Variants in ANGPTL6 observed in about 807,000 individuals in gnomAD.
ANGPTL6 encodes angiopoietin-related protein 6.
In ANGPTL6, 45 loss-of-function variants were observed where a neutral mutation model predicts 47.4. The ratio of observed to expected loss-of-function variants is 0.95; its 90% CI spans 0.75 to 1.22. The LOEUF is 1.22. Among genes scored for constraint, ANGPTL6 ranks in the 50% most tolerant of loss-of-function variants. ANGPTL6 has a pLI of 0.00. For synonymous variants in ANGPTL6, 290 were observed against 295.9 expected (o/e 0.98, Z 0.20); for missense variants, 698 against 669.4 (o/e 1.04, Z -0.47).
chr19:10,104,034 A>G (rs891656379), upstream of ANGPTL6, among the ~76,000 whole-genome samples: 12 of 143,348 alleles, frequency 8.4e-5, no homozygotes, highest in East Asian at 2.3e-3. Flanking sequence ...CGGAGGTTGC[A>G]GTGAGCCACT....
At chr19:10,095,072 C>G in intron 2 of ANGPTL6, 134 bp from the exon 3 acceptor site, 2 of 958,440 alleles carry the variant, frequency 2.1e-6, no homozygotes, top group South Asian at 1.8e-5. Context: ...GGTGTCCCAG[C>G]CCTAGGAATG....
upstream of ANGPTL6, among the ~76,000 whole-genome samples, chr19:10,103,635 T>TA (rs1477408948): frequency 2.2e-3 from 314 of 145,630 alleles, 2 homozygotes; most frequent in African/African-American, 6.3e-3. Context: ...AATAAATAAA[T>TA]AATAATAAAG....
At chr19:10,095,838 G>C (rs2088514804) in intron 2 of ANGPTL6, 144 bp downstream of exon 2, 2 of 453,822 alleles carry the variant, frequency 4.4e-6, no homozygotes, top group African/African-American at 4.0e-5. Context: ...GTCACTTTTT[G>C]ACCCAAATAA....
chr19:10,103,687 C>A (rs1157467023), upstream of ANGPTL6, among the ~76,000 whole-genome samples: 1 of 150,834 alleles, frequency 6.6e-6, no homozygotes, highest in Non-Finnish European at 1.5e-5. Context: ...ATATAAAAGA[C>A]ACAGCTGTAA....
upstream of ANGPTL6, among the ~76,000 whole-genome samples, chr19:10,103,048 T>C (rs2145187860): frequency 6.6e-6 from 1 of 151,968 alleles, no homozygotes; most frequent in East Asian, 1.9e-4. Context: ...ACCTTTTACG[T>C]ATTTGATCCT....
At chr19:10,095,876 G>A in intron 2 of ANGPTL6, 106 bp downstream of exon 2, 1 of 691,960 alleles carries the variant, frequency 1.4e-6, no homozygotes, top group Admixed American at 4.3e-5. Flanking sequence ...GTAGGAATCC[G>A]GTTTTCAGGG....
At chr19:10,096,641 G>T (rs1033913810) in intron 1 of ANGPTL6, 68 bp from the exon 2 acceptor site, 24 of 1,205,280 alleles carry the variant, frequency 2.0e-5, no homozygotes, top group South Asian at 3.3e-5. Flanking sequence ...CCGCTTCCAC[G>T]CGGGGATGCG....
In ANGPTL6 at chr19:10,096,498, C is replaced by G; in HGVS notation, c.66G>C (p.Ala22=). Reference sequence around the variant, plus strand: ...AGGTGTAGGTGCAGCGCGGGGCGCCCGCCCGCGCCCACGACGCGCCCAGCA... The same window carrying G: ...AGGTGTAGGTGCAGCGCGGGGCGCCGGCCCGCGCCCACGACGCGCCCAGCA... ...LLLLGASWAR[A]GAPRCTYTFV... Residue 22 remains alanine, a synonymous_variant, in exon 2 of 6, where the codon GCG becomes GCC. Transcript: ENST00000253109. The G allele has an allele frequency of 6.6e-7, 1 of 1,512,824 alleles. No individual in the cohort carries two copies. Among genetic ancestry groups the G allele is most frequent in the Non-Finnish European group, 8.8e-7 (1 of 1,137,488 alleles). 93.7% of individuals were successfully genotyped at this position (1,512,824 alleles called of 1,614,324 possible).
At chr19:10,100,184 G>A (rs562856284) in intron 1 of ANGPTL6, among the ~76,000 whole-genome samples, 1 of 151,892 alleles carries the variant, frequency 6.6e-6, no homozygotes, top group East Asian at 2.0e-4. Context: ...GGCAGAGGTT[G>A]CAGTGAGCTG....
upstream of ANGPTL6, among the ~76,000 whole-genome samples, chr19:10,104,081 CAAA>C (rs33948028): frequency 1.3e-5 from 1 of 74,176 alleles, no homozygotes; most frequent in Non-Finnish European, 2.6e-5. Context: ...GACTCTGTCT[CAAA>C]AAAAAAAAAA....
intron 3 of ANGPTL6, 148 bp from the exon 4 acceptor site, chr19:10,094,028 C>T (rs1294714803): frequency 1.2e-6 from 1 of 807,728 alleles, no homozygotes; most frequent in Non-Finnish European, 1.9e-6. Context: ...TCTCCCATTT[C>T]CTCACCAGAA....
At chr19:10,095,901 G>A in intron 2 of ANGPTL6, 81 bp downstream of exon 2, 1 of 894,494 alleles carries the variant, frequency 1.1e-6, no homozygotes, top group Non-Finnish European at 1.5e-6. Flanking sequence ...GCGGATTTCA[G>A]AACTGTGGAT....
chr19:10,092,868 C>G, intron 5 of ANGPTL6, 89 bp from the exon 6 acceptor site: 2 of 1,110,268 alleles, frequency 1.8e-6, no homozygotes, highest in South Asian at 1.9e-5. Context: ...CAGGCATCCC[C>G]TGGCCCCTCC....
At chr19:10,106,187 G>GT (rs1314170737), upstream of ANGPTL6, 43 of 853,010 alleles carry the variant, frequency 5.0e-5, no homozygotes, top group Non-Finnish European at 6.7e-5. Flanking sequence ...CCGGAGCCGC[G>GT]TAGCCCCGCC....
chr19:10,093,356 G>A lies in ANGPTL6; in HGVS notation c.1215C>T (p.Ser405=), dbSNP rs139281549. 13 of 1,612,490 alleles carry A rather than the reference G, an allele frequency of 8.1e-6. No individual in the cohort carries two copies. The highest frequency in any genetic ancestry group is 1.0e-5 in the Non-Finnish European group (12 of 1,178,828). ...PFSTVDRDRD[S]YSGNCALYQR... is the part of the protein sequence containing the mutation. ...AATAGGAGTTCTCCTTACCAGAATA[G>A]GAGTCTCGGTCCCTATCCACGGTGC... is the stretch of plus-strand genomic sequence containing the variant. The change falls in exon 5 of 6, where the codon TCC becomes TCT. Residue 405 remains serine (S), a synonymous_variant. Coordinates refer to ENST00000253109, the MANE Select transcript of ANGPTL6 (RefSeq NM_031917.3).
In ANGPTL6 at chr19:10,093,356, G is replaced by T; in HGVS notation, c.1215C>A (p.Ser405=). ...AATAGGAGTTCTCCTTACCAGAATA[G>T]GAGTCTCGGTCCCTATCCACGGTGC... ...PFSTVDRDRD[S]YSGNCALYQR... is the part of the protein sequence containing the mutation. Residue 405 remains serine, a synonymous_variant, in exon 5 of 6, where the codon TCC becomes TCA. Transcript: ENST00000253109. 2 of 1,612,608 alleles carry T rather than the reference G, an allele frequency of 1.2e-6. No individual in the cohort carries two copies. Among genetic ancestry groups the T allele is most frequent in the South Asian group, 1.1e-5 (1 of 91,052 alleles).
chr19:10,092,356 T>C lies in ANGPTL6; in HGVS notation c.*233A>G. On this transcript the variant is annotated 3_prime_UTR_variant, in exon 6 of 6. Transcript: ENST00000253109. ...CACGGTCTGTGGCTACTTTGTGTTA[T>C]TATAAGATATGAGCTCAAACCGAGA... The C allele has an allele frequency of 6.5e-7, 1 of 1,544,366 alleles. No homozygotes were observed. The highest frequency in any genetic ancestry group is 8.7e-7 in the Non-Finnish European group (1 of 1,146,410).
At chr19:10,098,310 G>C (rs1468889100) in intron 1 of ANGPTL6, among the ~76,000 whole-genome samples, 5 of 151,996 alleles carry the variant, frequency 3.3e-5, no homozygotes, top group Admixed American at 6.6e-5. Context: ...TATGATCGCA[G>C]CATTGCACTC....
chr19:10,103,627 T>A (rs927961825), upstream of ANGPTL6, among the ~76,000 whole-genome samples: 3 of 133,660 alleles, frequency 2.2e-5, no homozygotes, highest in East Asian at 2.1e-4. Flanking sequence ...AAATAAATAA[T>A]AAATAAATAA....
Sources: gnomAD v4.1 joint callset for allele counts (sites outside exome capture counted in the v4.1 genomes callset) on GRCh38, gnomAD v4.1.1 for gene constraint, MANE v1.5 for transcripts, NCBI Gene and HGNC (gene_info 2026-07-23, HGNC 2026-07-21) for gene names.